The following KCNH5 variants were observed in gnomAD, a reference collection of about 807,000 sequenced individuals.
The protein encoded by KCNH5 is potassium voltage-gated channel subfamily H member 5, also known as voltage-gated delayed rectifier potassium channel KCNH5.
A neutral mutation model predicts 96.1 loss-of-function variants in KCNH5; 46 were observed. That is an observed-to-expected ratio of 0.48 (90% CI 0.38 to 0.61). The LOEUF is 0.61. Ranked by LOEUF, KCNH5 falls within the 20% of genes least tolerant of loss-of-function variation. The pLI is 0.00. For missense variants in KCNH5, 907 were observed against 1,225.8 expected, an observed-to-expected ratio of 0.74 and a Z score of 3.88; for synonymous variants, 439 against 449.8, an observed-to-expected ratio of 0.98 and a Z score of 0.30.
chr14:62,833,943 T>C (rs1887413689), intron 8 of KCNH5, among the ~76,000 whole-genome samples: 1 of 152,076 alleles, frequency 6.6e-6, no homozygotes, highest in Admixed American at 6.6e-5. Context: ...CATTACTCCT[T>C]ACCTCACTCC....
chr14:62,816,338 A>G (rs890467641), intron 8 of KCNH5, among the ~76,000 whole-genome samples: 1 of 152,004 alleles, frequency 6.6e-6, no homozygotes, highest in Non-Finnish European at 1.5e-5. Context: ...GAAAAAATAT[A>G]TATATATCAG....
rs373647087 is a variant in KCNH5 at position 62,766,374 on chromosome 14, C to T, written c.2019+13354G>A. On this transcript the variant is annotated intron_variant, in intron 10 of 10. Coordinates refer to ENST00000322893, the MANE Select transcript of KCNH5 (RefSeq NM_139318.5). The stretch of plus-strand genomic sequence containing the variant: ...TCAGTATATCAAAGAGATGTTTGCA[C>T]TCCTATGTTTTTTGCAGCACTGTTT... Among the ~76,000 whole-genome samples, 40 of 152,256 alleles carry T rather than the reference C, an allele frequency of 2.6e-4. No individual in the cohort carries two copies. In the East Asian group the frequency reaches 3.9e-3, roughly 15 times the overall value.
intron 8 of KCNH5, among the ~76,000 whole-genome samples, chr14:62,818,349 A>G (rs1263767759): frequency 1.3e-5 from 2 of 152,156 alleles, no homozygotes; most frequent in African/African-American, 4.8e-5. Context: ...AATACATATA[A>G]TTTTTGTCAA....
intron 8 of KCNH5, among the ~76,000 whole-genome samples, chr14:62,810,540 A>G (rs1029106520): frequency 1.1e-4 from 17 of 152,112 alleles, no homozygotes; most frequent in African/African-American, 4.1e-4. Flanking sequence ...CCTTTCTGAT[A>G]AAATAGCTTG....
intron 7 of KCNH5, among the ~76,000 whole-genome samples, chr14:62,877,530 C>A (rs1006406879): frequency 6.6e-6 from 1 of 152,118 alleles, no homozygotes; most frequent in South Asian, 2.1e-4. Flanking sequence ...AACAAGTGGG[C>A]GAAGGACATG....
At chr14:62,821,347 T>C (rs1887110481) in intron 8 of KCNH5, among the ~76,000 whole-genome samples, 1 of 152,132 alleles carries the variant, frequency 6.6e-6, no homozygotes, top group Admixed American at 6.5e-5. Context: ...GTTGTTTACT[T>C]AGTAATATAT....
chr14:62,955,955 T>G (rs1332782839), intron 6 of KCNH5, among the ~76,000 whole-genome samples: 1 of 152,184 alleles, frequency 6.6e-6, no homozygotes, highest in Non-Finnish European at 1.5e-5. Flanking sequence ...CTTCAGATTC[T>G]GAGTGCATTT....
chr14:62,908,159 GA>G (rs1299993309), intron 7 of KCNH5, among the ~76,000 whole-genome samples: 5 of 152,146 alleles, frequency 3.3e-5, no homozygotes, highest in South Asian at 2.1e-4. Context: ...CAAAAAAGGG[GA>G]AAAAAACAGT....
intron 9 of KCNH5, among the ~76,000 whole-genome samples, chr14:62,799,558 A>G (rs1251772095): frequency 8.1e-6 from 1 of 123,672 alleles, no homozygotes; most frequent in Non-Finnish European, 1.7e-5. Flanking sequence ...GGGCAACAAG[A>G]GTGAAACTCC....
At chr14:63,045,049 G>C in intron 1 of KCNH5, 65 bp downstream of exon 1, 1 of 1,254,402 alleles carries the variant, frequency 8.0e-7, no homozygotes, top group Non-Finnish European at 1.2e-6. Context: ...GATGGGATGG[G>C]GAGGATGGGG....
chr14:63,045,025 C>A, intron 1 of KCNH5, 89 bp downstream of exon 1: 1 of 1,065,748 alleles, frequency 9.4e-7, no homozygotes, highest in Non-Finnish European at 1.5e-6. Flanking sequence ...ATCCTCCTCC[C>A]CCCTTGGGAG....
intron 7 of KCNH5, among the ~76,000 whole-genome samples, chr14:62,858,433 G>C (rs927051563): frequency 6.6e-6 from 1 of 152,156 alleles, no homozygotes; most frequent in Non-Finnish European, 1.5e-5. Flanking sequence ...CATGCATACT[G>C]TTCCTTACCT....
chr14:62,829,605 T>C (rs887928902), intron 8 of KCNH5, among the ~76,000 whole-genome samples: 2 of 152,170 alleles, frequency 1.3e-5, no homozygotes, highest in Non-Finnish European at 2.9e-5. Flanking sequence ...GTATCTGGGA[T>C]GCAGGGCACC....
At chr14:62,844,931 G>A (rs917496328) in intron 8 of KCNH5, among the ~76,000 whole-genome samples, 1 of 152,058 alleles carries the variant, frequency 6.6e-6, no homozygotes, top group African/African-American at 2.4e-5. Context: ...TGGGGCGAAG[G>A]TTTTTTCTCT....
In KCNH5 at chr14:62,700,310, T is replaced by C. The variant is rs1186540116; in HGVS notation, c.*7198A>G. On this transcript the variant is annotated 3_prime_UTR_variant, in exon 11 of 11. Coordinates refer to ENST00000322893, the MANE Select transcript of KCNH5 (RefSeq NM_139318.5). ...AATGGTTCTAAACTGGTTTCCACTT[T>C]TCATAACAATCACTTAAGAAATCTG... 1 of 152,192 alleles carries C rather than the reference T, an allele frequency of 6.6e-6. No individual in the cohort carries two copies. The highest frequency in any genetic ancestry group is 1.5e-5 in the Non-Finnish European group (1 of 68,032). The allele number at this position is 152,192 out of a possible 1,614,324, so 9.4% of individuals were successfully genotyped here. A position where few individuals can be genotyped will look rare whatever the true frequency, so the allele number is the denominator to read the frequency against.
intron 10 of KCNH5, among the ~76,000 whole-genome samples, chr14:62,725,376 T>G (rs1229651881): frequency 6.6e-6 from 1 of 152,226 alleles, no homozygotes; most frequent in Non-Finnish European, 1.5e-5. Context: ...TTAGAGGTAG[T>G]CTCCTATTAT....
chr14:62,944,968 A>G (rs1032520619), intron 7 of KCNH5, among the ~76,000 whole-genome samples: 1 of 152,158 alleles, frequency 6.6e-6, no homozygotes, highest in African/African-American at 2.4e-5. Context: ...AGAAGAAAAC[A>G]ACCAACTTTA....
chr14:62,866,956 C>G (rs1288891417), intron 7 of KCNH5, among the ~76,000 whole-genome samples: 1 of 152,180 alleles, frequency 6.6e-6, no homozygotes, highest in East Asian at 1.9e-4. Context: ...AACAAAGCCT[C>G]CTGCAACTCA....
chr14:62,846,101 A>C (rs187887107), intron 8 of KCNH5, among the ~76,000 whole-genome samples: 73 of 152,264 alleles, frequency 4.8e-4, no homozygotes, highest in Non-Finnish European at 7.8e-4. Flanking sequence ...ATCATCTTTG[A>C]CCATTTACCA....
Sources: allele counts gnomAD v4.1 joint callset (sites outside exome capture counted in the v4.1 genomes callset), GRCh38; gene constraint gnomAD v4.1.1; transcripts MANE v1.5; gene names NCBI Gene and HGNC (gene_info 2026-07-23, HGNC 2026-07-21).